DNAAF5: variants seen among roughly 807,000 people sequenced by gnomAD.
The protein encoded by DNAAF5 is dynein axonemal assembly factor 5.
In DNAAF5, 64 loss-of-function variants were observed where a neutral mutation model predicts 75.8. The ratio of observed to expected loss-of-function variants is 0.84; its 90% confidence interval spans 0.69 to 1.04. The LOEUF is 1.04. Among genes scored for constraint, DNAAF5 ranks in the 50% least tolerant of loss-of-function variants. The pLI is 0.00. For synonymous variants in DNAAF5, 657 were observed against 557.2 expected, an observed-to-expected ratio of 1.18 and a Z score of -2.52; for missense variants, 1,269 against 1,178.5, an observed-to-expected ratio of 1.08 and a Z score of -1.12.
At chr7:748,837 G>A (rs997350807) in intron 4 of DNAAF5, among the ~76,000 whole-genome samples, 3 of 152,198 alleles carry the variant, frequency 2.0e-5, no homozygotes, top group Non-Finnish European at 2.9e-5. Flanking sequence ...CAGTCCAACC[G>A]TGTGGTTGGG....
intron 9 of DNAAF5, 43 bp from the exon 10 acceptor site, chr7:774,005 A>G (rs745916697): frequency 3.5e-5 from 57 of 1,612,034 alleles, no homozygotes; most frequent in Non-Finnish European, 3.6e-5. Context: ...TCTTCCGAGC[A>G]CCTGTCCGGT....
intron 12 of DNAAF5, among the ~76,000 whole-genome samples, chr7:781,461 G>A (rs1212246094): frequency 1.3e-5 from 2 of 151,998 alleles, no homozygotes; most frequent in Admixed American, 6.5e-5. Flanking sequence ...TTGGCTGTCG[G>A]AACAGTGGGG....
At position 763,986 on chromosome 7, in the gene DNAAF5, C is replaced by T. The variant is rs745617671; in HGVS notation, c.1783+12C>T. On this transcript the variant is annotated intron_variant, in intron 8 of 12. Transcript: ENST00000297440. ...CGTCGCACAGTCAGGTGAGCCGTCC[C>T]GACAGCTGGCGTGCCGTGCCTGGCC... The T allele has an allele frequency of 9.4e-6, 15 of 1,600,078 alleles. No homozygotes were observed. The highest frequency in any genetic ancestry group is 3.3e-5 in the South Asian group (3 of 91,026).
chr7:770,095 G>T (rs182586519), intron 8 of DNAAF5, among the ~76,000 whole-genome samples: 1 of 151,598 alleles, frequency 6.6e-6, no homozygotes, highest in South Asian at 2.1e-4. Context: ...GGGACTACAG[G>T]TATATGCCAC....
intron 2 of DNAAF5, among the ~76,000 whole-genome samples, chr7:730,182 G>T (rs1226513011): frequency 1.3e-5 from 2 of 152,198 alleles, no homozygotes; most frequent in African/African-American, 2.4e-5. Flanking sequence ...AGCCACCATG[G>T]TTGGTGGACC....
At chr7:744,012 A>G (rs945174680) in intron 4 of DNAAF5, among the ~76,000 whole-genome samples, 4 of 151,602 alleles carry the variant, frequency 2.6e-5, no homozygotes, top group African/African-American at 7.3e-5. Flanking sequence ...ATATGTATAC[A>G]TGTGCCATGC....
At chr7:753,812 GTCTC>G (rs141031442) in intron 4 of DNAAF5, among the ~76,000 whole-genome samples, 1,705 of 145,774 alleles carry the variant, frequency 0.012, 47 homozygotes, top group African/African-American at 0.042. Context: ...TCGCAGGCGT[GTCTC>G]TCTCATCATA....
intron 1 of DNAAF5, among the ~76,000 whole-genome samples, chr7:728,227 G>T (rs777587058): frequency 6.6e-6 from 1 of 152,154 alleles, no homozygotes; most frequent in Non-Finnish European, 1.5e-5. Flanking sequence ...GATAGCAGGC[G>T]CCTGCTTCCT....
intron 2 of DNAAF5, among the ~76,000 whole-genome samples, chr7:734,216 G>A (rs1781666397): frequency 6.6e-6 from 1 of 152,316 alleles, no homozygotes; most frequent in South Asian, 2.1e-4. Context: ...TCCCCATTCA[G>A]TGTGGTACTA....
At chr7:730,520 T>C (rs1240768877) in intron 2 of DNAAF5, among the ~76,000 whole-genome samples, 1 of 152,286 alleles carries the variant, frequency 6.6e-6, no homozygotes, top group East Asian at 1.9e-4. Flanking sequence ...GTTTCAGCCT[T>C]GAAGAGGTAG....
At chr7:776,322 C>A (rs1778759724) in intron 11 of DNAAF5, among the ~76,000 whole-genome samples, 1 of 152,056 alleles carries the variant, frequency 6.6e-6, no homozygotes, top group South Asian at 2.1e-4. Context: ...GGTGACAGAG[C>A]CAGACTCCAT....
intron 2 of DNAAF5, among the ~76,000 whole-genome samples, chr7:736,712 T>C (rs777786426): frequency 3.3e-5 from 5 of 152,242 alleles, no homozygotes; most frequent in African/African-American, 4.8e-5. Flanking sequence ...AATGTTGTTA[T>C]TGATAAGTAA....
chr7:728,407 C>A (rs1781439201), intron 1 of DNAAF5, among the ~76,000 whole-genome samples: 1 of 152,074 alleles, frequency 6.6e-6, no homozygotes, highest in Non-Finnish European at 1.5e-5. Context: ...AGTGATAGAC[C>A]CGAGTTCAGG....
Position 780,826 on chromosome 7 carries a change from CTTTTTTT to C in DNAAF5, c.2431+690_2431+696del, listed in dbSNP as rs201445917. Reference sequence around the variant, plus strand: ...AATGTAACGATTTGCTTTTTTTTTTCTTTTTTTTTTTTTTGTTTTGTTTTGTTGTTGG... The same window carrying C: ...AATGTAACGATTTGCTTTTTTTTTTCTTTTTTTGTTTTGTTTTGTTGTTGG... On this transcript the variant is annotated intron_variant, in intron 12 of 12. Transcript: ENST00000297440. Among the ~76,000 whole-genome samples the C allele has an allele frequency of 3.0e-5, 4 of 131,268 alleles. No individual in the cohort carries two copies. In the South Asian group the frequency reaches 7.5e-4, roughly 25 times the overall value. The allele number at this position is 131,268 out of a possible 152,430, so 86.1% of individuals were successfully genotyped here.
Position 770,715 on chromosome 7 carries a change from C to A in DNAAF5, c.1931+97C>A, listed in dbSNP as rs926925309. 2.2e-5 allele frequency: 26 copies of A among 1,171,624 alleles called. No individual in the cohort carries two copies. The African/African-American group carries it at 3.6e-4, about 16-fold the overall frequency. The allele number at this position is 1,171,624 out of a possible 1,614,324, so 72.6% of individuals were successfully genotyped here. ...ACAGCTCACTGAGCAAGGGGGTTCC[C>A]ACCTCCTTCCCCAACACTGCACTGC... On this transcript the variant is annotated intron_variant, in intron 9 of 12. Coordinates refer to ENST00000297440, the MANE Select transcript of DNAAF5 (RefSeq NM_017802.4).
chr7:763,226 C>G (rs887258340), intron 7 of DNAAF5, among the ~76,000 whole-genome samples: 1 of 152,168 alleles, frequency 6.6e-6, no homozygotes, highest in Non-Finnish European at 1.5e-5. Flanking sequence ...AAAGCAAAGT[C>G]TTTGCCTGCT....
At chr7:753,840 G>A (rs1259738196) in intron 4 of DNAAF5, among the ~76,000 whole-genome samples, 2 of 139,182 alleles carry the variant, frequency 1.4e-5, no homozygotes, top group Non-Finnish European at 3.0e-5. Context: ...GGATGGCTTC[G>A]CAGGCGTGTC....
At chr7:738,383 G>A (rs1781799266) in intron 2 of DNAAF5, among the ~76,000 whole-genome samples, 1 of 152,096 alleles carries the variant, frequency 6.6e-6, no homozygotes, top group African/African-American at 2.4e-5. Flanking sequence ...TGTCTGAAAG[G>A]TCACCTATCC....
chr7:771,048 G>C (rs1046724022), intron 9 of DNAAF5: 3 of 157,792 alleles, frequency 1.9e-5, no homozygotes, highest in Non-Finnish European at 4.2e-5. Flanking sequence ...GAATGAAAAA[G>C]TTTTAGGGAA....
Sources: gnomAD v4.1 joint callset for allele counts (sites outside exome capture counted in the v4.1 genomes callset) on GRCh38, gnomAD v4.1.1 for gene constraint, MANE v1.5 for transcripts, NCBI Gene and HGNC (gene_info 2026-07-23, HGNC 2026-07-21) for gene names.